ACAA2: variants seen among roughly 807,000 people sequenced by gnomAD.
ACAA2 encodes acetyl-CoA acyltransferase 2.
A neutral mutation model predicts 44.8 loss-of-function variants in ACAA2; 35 were observed. The observed-to-expected ratio is 0.78, with a 90% CI of 0.60 to 1.04. The LOEUF is 1.04. ACAA2 is among the 50% of genes least tolerant of loss of function. The probability of loss-of-function intolerance (pLI) is 0.00; values close to 1 mark genes in which losing one functional copy is unlikely to be tolerated. For synonymous variants in ACAA2, 142 were observed against 166.5 expected (o/e 0.85, Z 1.13); for missense variants, 468 against 482.6 (o/e 0.97, Z 0.28).
intron 8 of ACAA2, 124 bp from the exon 9 acceptor site, chr18:49,785,475 G>GTTATT: frequency 1.1e-6 from 1 of 888,296 alleles, no homozygotes; most frequent in South Asian, 1.6e-5. Context: ...ACCTCGCAAA[G>GTTATT]TTATTTTATC....
In ACAA2 at chr18:49,794,412, A is replaced by G. The variant is rs371834662; in HGVS notation, c.445T>C (p.Trp149Arg). The change falls in exon 5 of 10, where the codon TGG (tryptophan) becomes CGG (arginine). Residue 149 changes from tryptophan to arginine, a missense_variant. Coordinates refer to ENST00000285093, the MANE Select transcript of ACAA2 (RefSeq NM_006111.3). ...ACATGCTGATCTGTTAATGATACCC[A>G]TAAAGAATCTTCCAGCTATTAAAAG... is the stretch of plus-strand genomic sequence containing the variant. ...GSDIKLEDSL[W>R]VSLTDQHVQL... 52 of 1,588,818 alleles carry G rather than the reference A, an allele frequency of 3.3e-5. No homozygotes were observed. The East Asian group carries it at 1.1e-3, about 35-fold the overall frequency.
chr18:49,799,386 C>T (rs2023502395), intron 2 of ACAA2, among the ~76,000 whole-genome samples: 2 of 143,248 alleles, frequency 1.4e-5, no homozygotes, highest in South Asian at 2.2e-4. Flanking sequence ...GACTGGTTTT[C>T]GTATTTTTTT....
At position 49,792,298 on chromosome 18, in the gene ACAA2, T is replaced by C. The variant is rs767782958; in HGVS notation, c.607A>G (p.Met203Val). The change falls in exon 6 of 10, where the codon ATG becomes GTG. Residue 203 changes from methionine (M) to valine (V), a missense_variant. Transcript: ENST00000285093. Reference protein sequence around the residue: ...ANDAGYFNDEMAPIEVKTKKG... With the variant: ...ANDAGYFNDEVAPIEVKTKKG... Reference sequence around the variant, plus strand: ...TTTGTCTTCACTTCAATTGGTGCCATTTCATCATTAAAGTAGCCAGCATCA... The same window carrying C: ...TTTGTCTTCACTTCAATTGGTGCCACTTCATCATTAAAGTAGCCAGCATCA... The C allele has an allele frequency of 5.6e-6, 9 of 1,613,798 alleles. No homozygotes were observed. Among genetic ancestry groups the C allele is most frequent in the Non-Finnish European group, 7.6e-6 (9 of 1,179,954 alleles).
chr18:49,800,473 G>A (rs2023533457), intron 2 of ACAA2, among the ~76,000 whole-genome samples: 2 of 152,212 alleles, frequency 1.3e-5, no homozygotes, highest in Non-Finnish European at 2.9e-5. Context: ...AGGTGGGGAA[G>A]GGATTGAGAA....
At chr18:49,802,576 A>AT in intron 2 of ACAA2, 111 bp downstream of exon 2, 1 of 1,119,962 alleles carries the variant, frequency 8.9e-7, no homozygotes, top group African/African-American at 1.6e-5. Context: ...AAAAAAAAAA[A>AT]AGTCTATAAC....
At chr18:49,799,902 C>T (rs1483846287) in intron 2 of ACAA2, among the ~76,000 whole-genome samples, 15 of 148,214 alleles carry the variant, frequency 1.0e-4, no homozygotes, top group South Asian at 2.2e-4. Flanking sequence ...CGTCTCTGCC[C>T]GGCTGCCCCA....
chr18:49,793,435 C>G (rs1257001692), intron 5 of ACAA2, among the ~76,000 whole-genome samples: 1 of 152,186 alleles, frequency 6.6e-6, no homozygotes, highest in Non-Finnish European at 1.5e-5. Context: ...AATGATATGA[C>G]TGAGCTTGAT....
intron 2 of ACAA2, among the ~76,000 whole-genome samples, chr18:49,799,124 C>A (rs1230579283): frequency 6.6e-6 from 1 of 152,152 alleles, no homozygotes; most frequent in Non-Finnish European, 1.5e-5. Context: ...AAATACAACA[C>A]CCTTTCATGA....
intron 1 of ACAA2, among the ~76,000 whole-genome samples, chr18:49,812,439 G>A (rs2023681237): frequency 6.6e-6 from 1 of 151,830 alleles, no homozygotes; most frequent in South Asian, 2.1e-4. Flanking sequence ...CATCATTCTC[G>A]ACATTTCCTT....
rs2023344337 is a variant in ACAA2 at position 49,787,295 on chromosome 18, A to G, written c.950T>C (p.Val317Ala). The G allele has an allele frequency of 3.5e-6, 5 of 1,428,944 alleles. No individual in the cohort carries two copies. The South Asian group carries it at 6.2e-5, about 18-fold the overall frequency. The allele number at this position is 1,428,944 out of a possible 1,614,324, so 88.5% of individuals were successfully genotyped here. ...AGLSLKDMDL[V>A]EVNEAFAPQY... ...AAAAAAAAAAAAAACACTTACCTCT[A>G]CCAAATCCATGTCCTTAAGACTCAG... Residue 317 changes from valine (V) to alanine (A), a missense_variant, in exon 8 of 10, where the codon GTA becomes GCA. Coordinates refer to ENST00000285093, the MANE Select transcript of ACAA2 (RefSeq NM_006111.3).
At chr18:49,809,741 C>T (rs2023648449) in intron 1 of ACAA2, among the ~76,000 whole-genome samples, 2 of 152,154 alleles carry the variant, frequency 1.3e-5, no homozygotes, top group Non-Finnish European at 2.9e-5. Flanking sequence ...ATAAGTGAAT[C>T]ACAGATGATG....
intron 5 of ACAA2, among the ~76,000 whole-genome samples, chr18:49,793,703 A>C (rs1176132429): frequency 6.6e-6 from 1 of 152,240 alleles, no homozygotes; most frequent in African/African-American, 2.4e-5. Context: ...GCACTGCTAA[A>C]AGAACTGCTG....
At chr18:49,811,914 CT>C (rs2143986984) in intron 1 of ACAA2, among the ~76,000 whole-genome samples, 2 of 151,856 alleles carry the variant, frequency 1.3e-5, no homozygotes, top group African/African-American at 4.8e-5. Context: ...CATTTTTTTC[CT>C]TTTTGGGTTT....
chr18:49,791,375 G>T, intron 7 of ACAA2, 95 bp downstream of exon 7: 2 of 1,154,406 alleles, frequency 1.7e-6, no homozygotes, highest in Non-Finnish European at 2.5e-6. Context: ...CTCTACAGGT[G>T]ACCTTGGTTT....
chr18:49,792,876 T>C (rs914765655), intron 5 of ACAA2, among the ~76,000 whole-genome samples: 1 of 152,236 alleles, frequency 6.6e-6, no homozygotes, highest in South Asian at 2.1e-4. Flanking sequence ...TTACACAACT[T>C]ACCTTCCGTA....
chr18:49,795,653 TCA>T (rs2023456507), intron 4 of ACAA2, 110 bp downstream of exon 4: 6 of 580,696 alleles, frequency 1.0e-5, no homozygotes, highest in Non-Finnish European at 1.8e-5. Flanking sequence ...CCAATCCTCA[TCA>T]ACGAAATTGG....
At chr18:49,787,396 GAAAT>G (rs1324670867) in intron 7 of ACAA2, 35 bp from the exon 8 acceptor site, 3 of 1,286,140 alleles carry the variant, frequency 2.3e-6, no homozygotes, top group Non-Finnish European at 3.1e-6. Flanking sequence ...TAAAAATATA[GAAAT>G]AAATGTCATC....
intron 2 of ACAA2, among the ~76,000 whole-genome samples, chr18:49,800,208 C>T (rs561670315): frequency 5.8e-5 from 8 of 137,330 alleles, no homozygotes; most frequent in Middle Eastern, 7.7e-3. Context: ...CCAGCCGCCC[C>T]GTCCGGGAGG....
chr18:49,800,200 A>T (rs2023525983), intron 2 of ACAA2, among the ~76,000 whole-genome samples: 1 of 134,628 alleles, frequency 7.4e-6, no homozygotes, highest in South Asian at 2.5e-4. Context: ...CCGCCCGGCC[A>T]GCCGCCCCGT....
Sources: gnomAD v4.1 joint callset for allele counts (sites outside exome capture counted in the v4.1 genomes callset) on GRCh38, gnomAD v4.1.1 for gene constraint, MANE v1.5 for transcripts, NCBI Gene and HGNC (gene_info 2026-07-23, HGNC 2026-07-21) for gene names.